Variants in HOXB9 observed in about 807,000 individuals in gnomAD.
HOXB9 encodes homeobox protein Hox-B9.
In HOXB9, 10 loss-of-function variants were observed where a neutral mutation model predicts 21.5. The ratio of observed to expected loss-of-function variants is 0.47; its 90% CI spans 0.29 to 0.79. HOXB9 has a LOEUF of 0.79. Ranked by LOEUF, HOXB9 falls within the 30% of genes least tolerant of loss-of-function variation. HOXB9 has a pLI of 0.10. For synonymous variants in HOXB9, 156 were observed against 151.2 expected (o/e 1.03, Z -0.23); for missense variants, 375 against 338.7 (o/e 1.11, Z -0.84).
intron 1 of HOXB9, among the ~76,000 whole-genome samples, chr17:48,624,299 T>A (rs2070794400): frequency 6.6e-6 from 1 of 152,278 alleles, no homozygotes; most frequent in East Asian, 1.9e-4. Flanking sequence ...TTCCTTAATG[T>A]GATTGCCTGG....
Position 48,625,998 on chromosome 17 carries a change from T to C in HOXB9, c.272A>G (p.Glu91Gly), listed in dbSNP as rs1282176734. 2.6e-6 allele frequency: 4 copies of C among 1,558,664 alleles called. No individual in the cohort carries two copies. The highest frequency in any genetic ancestry group is 1.8e-4 in the Middle Eastern group (1 of 5,582). ...CAGCCAGGTGCGGAGGTACCTGCTC[T>C]CGGCCGGCGGGACGCCCTGGGGCTG... ...YIQPQGVPPA[E>G]SRYLRTWLEP... Residue 91 changes from glutamate to glycine, a missense_variant, in exon 1 of 2, where the codon GAG becomes GGG. Coordinates refer to ENST00000311177, the MANE Select transcript of HOXB9 (RefSeq NM_024017.5).
In HOXB9 at chr17:48,622,866, A is replaced by C; in HGVS notation, c.*34T>G. ...CACATAACTAAGAGTGAGATGGGGA[A>C]GAGCTAGGGAGGACTGGGGGTAATC... On this transcript the variant is annotated 3_prime_UTR_variant, in exon 2 of 2. Transcript: ENST00000311177. 3.4e-6 allele frequency: 5 copies of C among 1,477,400 alleles called. No individual in the cohort carries two copies. Among genetic ancestry groups the C allele is most frequent in the Non-Finnish European group, 4.7e-6 (5 of 1,058,608 alleles). 91.5% of individuals were successfully genotyped at this position (1,477,400 alleles called of 1,614,324 possible).
Position 48,625,828 on chromosome 17 carries a change from G to T in HOXB9, c.442C>A (p.Leu148Met). ...LETSAGREAV[L>M]SNQRPGYGDN... ...CCGTAGCCGGGTCTTTGATTAGACA[G>T]CACGGCCTCCCTGCCCGCCGAAGTT... is the stretch of plus-strand genomic sequence containing the variant. Residue 148 changes from leucine (L) to methionine (M), a missense_variant, in exon 1 of 2, where the codon CTG becomes ATG. Physicochemically the swap from Leu to Met is conservative, Grantham distance 15 (BLOSUM62 2). Transcript: ENST00000311177. The T allele has an allele frequency of 6.2e-7, 1 of 1,610,992 alleles. No individual in the cohort carries two copies. The highest frequency in any genetic ancestry group is 1.1e-5 in the South Asian group (1 of 90,340).
At position 48,626,031 on chromosome 17, in the gene HOXB9, G is replaced by C; in HGVS notation, c.239C>G (p.Pro80Arg). The C allele has an allele frequency of 6.3e-7, 1 of 1,578,192 alleles. No homozygotes were observed. Among genetic ancestry groups the C allele is most frequent in the Non-Finnish European group, 8.6e-7 (1 of 1,169,416 alleles). ...CGGGACGCCCTGGGGCTGGATGTAA[G>C]GGTGGTAGACGGACGGCAGGCTCCC... ...ASGSLPSVYH[P>R]YIQPQGVPPA... Residue 80 changes from proline to arginine, a missense_variant, in exon 1 of 2, where the codon CCT (proline) becomes CGT (arginine). Coordinates refer to ENST00000311177, the MANE Select transcript of HOXB9 (RefSeq NM_024017.5).
intron 1 of HOXB9, among the ~76,000 whole-genome samples, chr17:48,624,366 T>A (rs2070794786): frequency 6.6e-6 from 1 of 152,162 alleles, no homozygotes. Context: ...TAATAATTGA[T>A]CCTAGCCAAA....
intron 1 of HOXB9, 116 bp downstream of exon 1, chr17:48,625,637 C>T: frequency 7.8e-7 from 1 of 1,274,930 alleles, no homozygotes; most frequent in Non-Finnish European, 1.0e-6. Flanking sequence ...CCTCCCGGCC[C>T]GCTCTCCGGC....
In HOXB9 at chr17:48,621,687, CGGAGGAACGCG is replaced by C. The variant is rs2070771691; in HGVS notation, c.*1202_*1212del. On this transcript the variant is annotated 3_prime_UTR_variant, in exon 2 of 2. Coordinates refer to ENST00000311177, the MANE Select transcript of HOXB9 (RefSeq NM_024017.5). The stretch of plus-strand genomic sequence containing the variant: ...CGTGGGTCGAGAAGCCGACGGGATT[CGGAGGAACGCG>C]CAGAGCGTTGCGCGCTGGGGCCGTT... 1 of 152,292 alleles carries C rather than the reference CGGAGGAACGCG, an allele frequency of 6.6e-6. No individual in the cohort carries two copies. The highest frequency in any genetic ancestry group is 6.5e-5 in the Admixed American group (1 of 15,286). 9.4% of individuals were successfully genotyped at this position (152,292 alleles called of 1,614,324 possible).
Position 48,622,604 on chromosome 17 carries a change from G to A in HOXB9, c.*296C>T, listed in dbSNP as rs2070779369. ...TAGGACTTCCCAGAAAAATTACAGGGCATACTAGGAGCTTGACTGGGGTCT... is the reference window on the plus strand; with the variant it reads ...TAGGACTTCCCAGAAAAATTACAGGACATACTAGGAGCTTGACTGGGGTCT... On this transcript the variant is annotated 3_prime_UTR_variant, in exon 2 of 2. Coordinates refer to ENST00000311177, the MANE Select transcript of HOXB9 (RefSeq NM_024017.5). 6.2e-6 allele frequency: 2 copies of A among 325,084 alleles called. No individual in the cohort carries two copies. Among genetic ancestry groups the A allele is most frequent in the Non-Finnish European group, 1.1e-5 (2 of 174,016 alleles). The allele number at this position is 325,084 out of a possible 1,614,324, so 20.1% of individuals were successfully genotyped here. A position where few individuals can be genotyped will look rare whatever the true frequency, so the allele number is the denominator to read the frequency against.
In HOXB9 at chr17:48,621,363, C is replaced by T. The variant is rs1255876235; in HGVS notation, c.*1537G>A. 1 of 151,838 alleles carries T rather than the reference C, an allele frequency of 6.6e-6. No individual in the cohort carries two copies. Among genetic ancestry groups the T allele is most frequent in the African/African-American group, 2.4e-5 (1 of 41,220 alleles). 9.4% of individuals were successfully genotyped at this position (151,838 alleles called of 1,614,324 possible). ...CGACAGCCACCGACAAAGCAAAAAACTTCTACTGGAATGTCCCCTTGCAGG... is the reference window on the plus strand; with the variant it reads ...CGACAGCCACCGACAAAGCAAAAAATTTCTACTGGAATGTCCCCTTGCAGG... On this transcript the variant is annotated 3_prime_UTR_variant, in exon 2 of 2. Coordinates refer to ENST00000311177, the MANE Select transcript of HOXB9 (RefSeq NM_024017.5).
chr17:48,625,640 T>C (rs2070806123), intron 1 of HOXB9, 113 bp downstream of exon 1: 5 of 1,269,988 alleles, frequency 3.9e-6, no homozygotes, highest in African/African-American at 1.5e-5. Context: ...CCCGGCCCGC[T>C]CTCCGGCCAC....
chr17:48,626,054 C>T lies in HOXB9; in HGVS notation c.216G>A (p.Gly72=), dbSNP rs1305401585. 6.3e-7 allele frequency: 1 copy of T among 1,578,556 alleles called. No homozygotes were observed. Among genetic ancestry groups the T allele is most frequent in the Non-Finnish European group, 8.6e-7 (1 of 1,169,484 alleles). Reference sequence around the variant, plus strand: ...AAGGGTGGTAGACGGACGGCAGGCTCCCGGACGCGTGCGGGCTCAGCGGCG... The same window carrying T: ...AAGGGTGGTAGACGGACGGCAGGCTTCCGGACGCGTGCGGGCTCAGCGGCG... ...SWAPLSPHAS[G]SLPSVYHPYI... is the part of the protein sequence containing the mutation. The change falls in exon 1 of 2, where the codon GGG becomes GGA. Residue 72 remains glycine (G), a synonymous_variant. Coordinates refer to ENST00000311177, the MANE Select transcript of HOXB9 (RefSeq NM_024017.5).
In HOXB9 at chr17:48,625,214, A is replaced by G. The variant is rs566257416; in HGVS notation, c.517+539T>C. On this transcript the variant is annotated intron_variant, in intron 1 of 1. Coordinates refer to ENST00000311177, the MANE Select transcript of HOXB9 (RefSeq NM_024017.5). ...TACAGCGCGAGATCTGCTAGGAACA[A>G]TCCTCCGCCAAGCTGTTGCATCGCA... Among the ~76,000 whole-genome samples, 147 of 152,320 alleles carry G rather than the reference A, an allele frequency of 9.7e-4. 3 individuals carry two copies. Among genetic ancestry groups the G allele is most frequent in the South Asian group, 2.9e-3 (14 of 4,830 alleles).
Position 48,626,146 on chromosome 17 carries a change from C to A in HOXB9, c.124G>T (p.Ala42Ser), listed in dbSNP as rs1416776971. Reference sequence around the variant, plus strand: ...CACGAGGGGAACTCCAGGTGCTCCGCGTGGCCCGGCTGCCGCGAGCTCGCG... The same window carrying A: ...CACGAGGGGAACTCCAGGTGCTCCGAGTGGCCCGGCTGCCGCGAGCTCGCG... ...QYASSRQPGHAEHLEFPSCSF... is the reference protein window; with the variant it reads ...QYASSRQPGHSEHLEFPSCSF... The change falls in exon 1 of 2, where the codon GCG (alanine) becomes TCG (serine). Residue 42 changes from alanine to serine, a missense_variant. By Grantham distance (99) the Ala-to-Ser change is moderately conservative (BLOSUM62 1). Transcript: ENST00000311177. 1 of 1,594,546 alleles carries A rather than the reference C, an allele frequency of 6.3e-7. No homozygotes were observed. Among genetic ancestry groups the A allele is most frequent in the East Asian group, 2.2e-5 (1 of 44,692 alleles).
rs148122363 is a variant in HOXB9, at chr17:48,626,211, C to T, written c.59G>A (p.Ser20Asn). The change falls in exon 1 of 2, where the codon AGT becomes AAT. Residue 20 changes from serine (S) to asparagine (N), a missense_variant. By Grantham distance (46) the Ser-to-Asn change is conservative. Transcript: ENST00000311177. ...AAACTTGGCTGGAGGCGCGTCCTCA[C>T]TCTCGTGACTTATGATCGAGTCGAC... Reference protein sequence around the residue: ...YYVDSIISHESEDAPPAKFPS... With the variant: ...YYVDSIISHENEDAPPAKFPS... 8.8e-6 allele frequency: 14 copies of T among 1,599,174 alleles called. No homozygotes were observed. The highest frequency in any genetic ancestry group is 1.2e-5 in the Non-Finnish European group (14 of 1,179,736).
Position 48,623,117 on chromosome 17 carries a change from C to T in HOXB9, c.536G>A (p.Trp179Ter). The T allele has an allele frequency of 6.2e-7, 1 of 1,613,484 alleles. No homozygotes were observed. The change falls in exon 2 of 2, where the codon TGG becomes TAG. Residue 179 changes from tryptophan to a stop codon, truncating the protein, a stop_gained. Transcript: ENST00000311177. LOFTEE classifies it high-confidence loss of function. ...RPDQTNPSAN[W>*]LHARSSRKKR... ...TTTCCGGGAAGAGCGAGCGTGCAGCCAGTTGGCGGAGGGGTTGGCTGAAAG... is the reference window on the plus strand; with the variant it reads ...TTTCCGGGAAGAGCGAGCGTGCAGCTAGTTGGCGGAGGGGTTGGCTGAAAG...
chr17:48,626,191 T>G lies in HOXB9; in HGVS notation c.79A>C (p.Lys27Gln), dbSNP rs2145012428. The G allele has an allele frequency of 1.3e-6, 2 of 1,599,512 alleles. No individual in the cohort carries two copies. Among genetic ancestry groups the G allele is most frequent in the East Asian group, 4.5e-5 (2 of 44,840 alleles). ...SHESEDAPPA[K>Q]FPSGQYASSR... ...CTCGCGTACTGGCCAGAAGGAAACT[T>G]GGCTGGAGGCGCGTCCTCACTCTCG... The change falls in exon 1 of 2, where the codon AAG becomes CAG. Residue 27 changes from lysine to glutamine, a missense_variant. Coordinates refer to ENST00000311177, the MANE Select transcript of HOXB9 (RefSeq NM_024017.5).
At chr17:48,623,245 A>G (rs2145009429) in intron 1 of HOXB9, 110 bp from the exon 2 acceptor site, 13 of 803,660 alleles carry the variant, frequency 1.6e-5, no homozygotes, top group Non-Finnish European at 2.6e-5. Flanking sequence ...AGAAGAGGCC[A>G]CCTGGGTCTT....
At position 48,626,172 on chromosome 17, in the gene HOXB9, T is replaced by C; in HGVS notation, c.98A>G (p.Tyr33Cys). The change falls in exon 1 of 2, where the codon TAC (tyrosine) becomes TGC (cysteine). Residue 33 changes from tyrosine (Y) to cysteine (C), a missense_variant. Tyr to Cys is a radical substitution (Grantham distance 194, BLOSUM62 -2). Coordinates refer to ENST00000311177, the MANE Select transcript of HOXB9 (RefSeq NM_024017.5). ...APPAKFPSGQ[Y>C]ASSRQPGHAE... ...GTGGCCCGGCTGCCGCGAGCTCGCG[T>C]ACTGGCCAGAAGGAAACTTGGCTGG... 1.9e-6 allele frequency: 3 copies of C among 1,598,882 alleles called. No individual in the cohort carries two copies. The highest frequency in any genetic ancestry group is 1.7e-5 in the Admixed American group (1 of 59,828).
At position 48,625,959 on chromosome 17, in the gene HOXB9, C is replaced by A. The variant is rs756026385; in HGVS notation, c.311G>T (p.Arg104Leu). 8.1e-6 allele frequency: 12 copies of A among 1,487,668 alleles called. No homozygotes were observed. The South Asian group carries it at 1.6e-4, about 20-fold the overall frequency. The allele number at this position is 1,487,668 out of a possible 1,614,324, so 92.2% of individuals were successfully genotyped here. A position where few individuals can be genotyped will look rare whatever the true frequency, so the allele number is the denominator to read the frequency against. ...GCCCTGCCCCGGGGCCGCTTCGCCGCGCGGCGCCGGCTCCAGCCAGGTGCG... is the reference window on the plus strand; with the variant it reads ...GCCCTGCCCCGGGGCCGCTTCGCCGAGCGGCGCCGGCTCCAGCCAGGTGCG... The part of the protein sequence containing the change: ...YLRTWLEPAP[R>L]GEAAPGQGQA... The change falls in exon 1 of 2, where the codon CGC becomes CTC. Residue 104 changes from arginine (R) to leucine (L), a missense_variant. By Grantham distance (102) the Arg-to-Leu change is moderately radical. Transcript: ENST00000311177.
Sources: gnomAD v4.1 joint callset for allele counts (sites outside exome capture counted in the v4.1 genomes callset) on GRCh38, gnomAD v4.1.1 for gene constraint, MANE v1.5 for transcripts, NCBI Gene and HGNC (gene_info 2026-07-23, HGNC 2026-07-21) for gene names.